The following DLG2 variants were observed in gnomAD, a reference collection of about 807,000 sequenced individuals.
The protein encoded by DLG2 is disks large homolog 2.
In DLG2, 45 loss-of-function variants were observed where a neutral mutation model predicts 132.5. The observed-to-expected ratio is 0.34, with a 90% CI of 0.27 to 0.44. The LOEUF is 0.44. DLG2 is among the 20% of genes least tolerant of loss of function. The probability of loss-of-function intolerance (pLI) is 1.00; values close to 1 mark genes in which losing one functional copy is unlikely to be tolerated. For missense variants in DLG2, 1,045 were observed against 1,196.9 expected (o/e 0.87, Z 1.87); for synonymous variants, 424 against 419.6 (o/e 1.01, Z -0.13).
chr11:85,331,759 G>C (rs892465982), intron 3 of DLG2, among the ~76,000 whole-genome samples: 1 of 152,144 alleles, frequency 6.6e-6, no homozygotes, highest in African/African-American at 2.4e-5. Context: ...TTAGGATAAT[G>C]ACATCCAGCT....
At chr11:84,489,774 T>C (rs185857294) in intron 7 of DLG2, among the ~76,000 whole-genome samples, 4 of 152,232 alleles carry the variant, frequency 2.6e-5, no homozygotes, top group Non-Finnish European at 5.9e-5. Context: ...AATTCCTCCA[T>C]GAAACCCTTC....
At chr11:84,929,979 C>T (rs781405534) in intron 6 of DLG2, among the ~76,000 whole-genome samples, 2 of 152,074 alleles carry the variant, frequency 1.3e-5, no homozygotes, top group Admixed American at 6.6e-5. Flanking sequence ...TGTAAAAAGC[C>T]TACTCTTCTG....
intron 3 of DLG2, among the ~76,000 whole-genome samples, chr11:85,344,927 A>C (rs1213129379): frequency 6.6e-6 from 1 of 151,494 alleles, no homozygotes; most frequent in Non-Finnish European, 1.5e-5. Flanking sequence ...ACACTGCTCA[A>C]GACAGAGCAA....
At chr11:84,428,316 T>C (rs2098973488) in intron 7 of DLG2, among the ~76,000 whole-genome samples, 1 of 152,234 alleles carries the variant, frequency 6.6e-6, no homozygotes, top group African/African-American at 2.4e-5. Context: ...GTTGATAGGC[T>C]GGCCTTGGGC....
chr11:84,520,909 T>C (rs2099296492), intron 7 of DLG2, among the ~76,000 whole-genome samples: 1 of 152,210 alleles, frequency 6.6e-6, no homozygotes. Context: ...AATTCTCAAA[T>C]GGCACATTTC....
chr11:84,047,745 A>G (rs764504242), intron 11 of DLG2, among the ~76,000 whole-genome samples: 8 of 151,662 alleles, frequency 5.3e-5, no homozygotes, highest in Non-Finnish European at 1.0e-4. Context: ...TTAAACAGCA[A>G]ATAAGAAAAC....
chr11:83,675,411 T>C (rs1360932802), intron 18 of DLG2, among the ~76,000 whole-genome samples: 1 of 152,232 alleles, frequency 6.6e-6, no homozygotes, highest in Non-Finnish European at 1.5e-5. Context: ...ACAAACATCA[T>C]GATATCAAAA....
chr11:83,606,881 C>T (rs1165622081), intron 19 of DLG2, among the ~76,000 whole-genome samples: 1 of 151,878 alleles, frequency 6.6e-6, no homozygotes. Context: ...GAGCAGAGAT[C>T]GCGCCACTGC....
chr11:83,869,229 T>C (rs1274571878), intron 16 of DLG2, among the ~76,000 whole-genome samples: 1 of 152,048 alleles, frequency 6.6e-6, no homozygotes, highest in Non-Finnish European at 1.5e-5. Context: ...GAACCAAACA[T>C]CTGAGTACTT....
intron 3 of DLG2, among the ~76,000 whole-genome samples, chr11:85,535,621 C>T (rs2075529622): frequency 6.6e-6 from 1 of 152,132 alleles, no homozygotes; most frequent in African/African-American, 2.4e-5. Context: ...ACCAGCAATT[C>T]TACTCCTAGA....
At chr11:85,557,023 G>T (rs1378423367) in intron 3 of DLG2, among the ~76,000 whole-genome samples, 1 of 151,800 alleles carries the variant, frequency 6.6e-6, no homozygotes, top group Non-Finnish European at 1.5e-5. Context: ...CTGATTATAT[G>T]ATTCCATACC....
chr11:84,358,629 A>G (rs186910285), intron 7 of DLG2, among the ~76,000 whole-genome samples: 30 of 151,982 alleles, frequency 2.0e-4, no homozygotes, highest in Admixed American at 1.9e-3. Flanking sequence ...ATTATCACAC[A>G]TACATATTAA....
intron 22 of DLG2, chr11:83,483,302 C>A: frequency 6.2e-7 from 1 of 1,611,440 alleles, no homozygotes; most frequent in Non-Finnish European, 8.5e-7. Flanking sequence ...GGATGTCCTG[C>A]ATGGAAGTCC....
chr11:84,201,557 C>A (rs940560806), intron 8 of DLG2, among the ~76,000 whole-genome samples: 5 of 145,172 alleles, frequency 3.4e-5, no homozygotes, highest in Non-Finnish European at 6.0e-5. Context: ...TAGAATTTAG[C>A]TGTTTATATG....
chr11:85,034,854 A>T (rs930362036), intron 6 of DLG2, among the ~76,000 whole-genome samples: 1 of 152,074 alleles, frequency 6.6e-6, no homozygotes, highest in Non-Finnish European at 1.5e-5. Flanking sequence ...TTTTCTGATT[A>T]TCCATTCATT....
chr11:84,798,425 C>G (rs115850103), intron 6 of DLG2, among the ~76,000 whole-genome samples: 3,660 of 152,266 alleles, frequency 0.024, 159 homozygotes, highest in African/African-American at 0.084. Context: ...TTTCCACAGG[C>G]AAAGGAGGCT....
At chr11:83,923,565 A>C (rs1360221447) in intron 15 of DLG2, among the ~76,000 whole-genome samples, 1 of 152,090 alleles carries the variant, frequency 6.6e-6, no homozygotes, top group Non-Finnish European at 1.5e-5. Flanking sequence ...TTTATGTTTA[A>C]GTGTACTTAT....
intron 3 of DLG2, among the ~76,000 whole-genome samples, chr11:85,372,918 T>G (rs1196237535): frequency 6.6e-6 from 1 of 152,224 alleles, no homozygotes; most frequent in Non-Finnish European, 1.5e-5. Flanking sequence ...GCCACTCACC[T>G]TCAGTCTGTA....
intron 11 of DLG2, among the ~76,000 whole-genome samples, chr11:83,995,468 C>T (rs979459043): frequency 5.9e-5 from 9 of 152,016 alleles, no homozygotes; most frequent in African/African-American, 2.2e-4. Context: ...GATTTGGTCT[C>T]CCTCCATTTT....
Sources: allele counts gnomAD v4.1 joint callset (sites outside exome capture counted in the v4.1 genomes callset), GRCh38; gene constraint gnomAD v4.1.1; transcripts MANE v1.5; gene names NCBI Gene and HGNC (gene_info 2026-07-23, HGNC 2026-07-21).